MINDY2: variants seen among roughly 807,000 people sequenced by gnomAD.
MINDY2 encodes ubiquitin carboxyl-terminal hydrolase MINDY-2.
In MINDY2, 52 loss-of-function variants were observed where a neutral mutation model predicts 68.2. The ratio of observed to expected loss-of-function variants is 0.76; its 90% CI spans 0.61 to 0.96. The LOEUF (loss-of-function observed/expected upper bound fraction) is 0.96. MINDY2 is among the 40% of genes least tolerant of loss of function. The pLI, the probability that MINDY2 is intolerant of heterozygous loss-of-function variation, is 0.00. For missense variants in MINDY2, 881 were observed against 773.4 expected (o/e 1.14, Z -1.65); for synonymous variants, 372 against 303.0 (o/e 1.23, Z -2.36).
Position 58,859,516 on chromosome 15 carries a change from T to G in MINDY2, c.*4906T>G, listed in dbSNP as rs1318261955. On this transcript the variant is annotated 3_prime_UTR_variant, in exon 9 of 9. Coordinates refer to ENST00000559228, the MANE Select transcript of MINDY2 (RefSeq NM_001040450.3). ...TTAGCGTTCTTAAGTTCTCTGATAA[T>G]TTAGTATATTTTATTAATGATGTCC... 6.6e-6 allele frequency: 1 copy of G among 152,172 alleles called. No homozygotes were observed. The highest frequency in any genetic ancestry group is 1.5e-5 in the Non-Finnish European group (1 of 68,026). The allele number at this position is 152,172 out of a possible 1,614,324, so 9.4% of individuals were successfully genotyped here. A position where few individuals can be genotyped will look rare whatever the true frequency, so the allele number is the denominator to read the frequency against.
At chr15:58,834,096 AC>A (rs2031877921) in intron 6 of MINDY2, among the ~76,000 whole-genome samples, 1 of 152,130 alleles carries the variant, frequency 6.6e-6, no homozygotes, top group African/African-American at 2.4e-5. Context: ...AACAAAGCAC[AC>A]CCTGCACAGC....
Position 58,771,366 on chromosome 15 carries a change from C to T in MINDY2, c.-30C>T. On this transcript the variant is annotated 5_prime_UTR_variant, in exon 1 of 9. Transcript: ENST00000559228. ...CTGGCTGCGGAGAAGTGGCCGCGGTCTCCATAGAGCTGGGGGCGGGCGGCC... is the reference window on the plus strand; with the variant it reads ...CTGGCTGCGGAGAAGTGGCCGCGGTTTCCATAGAGCTGGGGGCGGGCGGCC... 6.3e-7 allele frequency: 1 copy of T among 1,583,922 alleles called. No individual in the cohort carries two copies. Among genetic ancestry groups the T allele is most frequent in the Non-Finnish European group, 8.6e-7 (1 of 1,167,424 alleles).
chr15:58,787,696 C>A (rs1479349355), intron 1 of MINDY2, among the ~76,000 whole-genome samples: 4 of 147,800 alleles, frequency 2.7e-5, no homozygotes, highest in African/African-American at 1.0e-4. Flanking sequence ...GAGATTGCGC[C>A]ACTGCAGTCC....
At chr15:58,832,401 G>C (rs2031775031) in intron 6 of MINDY2, among the ~76,000 whole-genome samples, 1 of 151,052 alleles carries the variant, frequency 6.6e-6, no homozygotes, top group Non-Finnish European at 1.5e-5. Flanking sequence ...TAATTTTTGT[G>C]TATTTTTAGG....
intron 7 of MINDY2, among the ~76,000 whole-genome samples, chr15:58,849,100 C>T (rs1465954408): frequency 6.6e-6 from 1 of 152,002 alleles, no homozygotes. Flanking sequence ...ACCCCAACTA[C>T]TCGGGAGGCT....
chr15:58,782,911 G>GTTTTTTTTTTTTTTTTTTTTTTT lies in MINDY2; in HGVS notation c.841-4991_841-4969dup, dbSNP rs1157376592. ...TCAATATATTTAATTTTTTCTCTCT[G>GTTTTTTTTTTTTTTTTTTTTTTT]TTTTTTTTTTTTTTTTTTTTTTTTT... is the stretch of plus-strand genomic sequence containing the variant. On this transcript the variant is annotated intron_variant, in intron 1 of 8. Coordinates refer to ENST00000559228, the MANE Select transcript of MINDY2 (RefSeq NM_001040450.3). 1.4e-4 allele frequency among the ~76,000 whole-genome samples: 9 copies of GTTTTTTTTTTTTTTTTTTTTTTT among 64,494 alleles called. 1 individual carries two copies. The highest frequency in any genetic ancestry group is 8.7e-4 in the Admixed American group (3 of 3,444). 42.3% of individuals were successfully genotyped at this position (64,494 alleles called of 152,430 possible).
intron 4 of MINDY2, among the ~76,000 whole-genome samples, chr15:58,816,498 A>G (rs564850219): frequency 6.6e-6 from 1 of 152,086 alleles, no homozygotes; most frequent in South Asian, 2.1e-4. Flanking sequence ...GCAGCCTCAG[A>G]TGGCTCAAGG....
intron 3 of MINDY2, among the ~76,000 whole-genome samples, chr15:58,803,807 C>T (rs1902833023): frequency 6.6e-6 from 1 of 150,806 alleles, no homozygotes; most frequent in African/African-American, 2.4e-5. Context: ...CAGAGGGAGA[C>T]TCTGCCTCAA....
At chr15:58,844,893 C>T (rs372260906) in intron 6 of MINDY2, among the ~76,000 whole-genome samples, 67 of 121,810 alleles carry the variant, frequency 5.5e-4, no homozygotes, top group East Asian at 2.1e-3. Flanking sequence ...CCAGCCTGGG[C>T]GACAGAGTGA....
chr15:58,838,166 G>A (rs1386798303), intron 6 of MINDY2, among the ~76,000 whole-genome samples: 3 of 151,892 alleles, frequency 2.0e-5, no homozygotes, highest in African/African-American at 7.3e-5. Context: ...AGGAGGCCAA[G>A]GCAGGTGGAT....
intron 1 of MINDY2, among the ~76,000 whole-genome samples, chr15:58,778,355 T>G (rs1900906470): frequency 6.6e-6 from 1 of 152,136 alleles, no homozygotes; most frequent in Non-Finnish European, 1.5e-5. Flanking sequence ...ATTTTTTTCT[T>G]TGCTTAGTAT....
chr15:58,802,102 G>C (rs1256039982), intron 2 of MINDY2, among the ~76,000 whole-genome samples: 1 of 52,058 alleles, frequency 1.9e-5, no homozygotes, highest in Non-Finnish European at 4.1e-5. Context: ...GAAGTAAAAA[G>C]TTCAAAGCAC....
In MINDY2 at chr15:58,855,044, G is replaced by A. The variant is rs2033014042; in HGVS notation, c.*434G>A. The stretch of plus-strand genomic sequence containing the variant: ...CTGAAATTTTACAATGTTAAATTAT[G>A]ATCTAATTCATGAGAAACCACGGGT... On this transcript the variant is annotated 3_prime_UTR_variant, in exon 9 of 9. Transcript: ENST00000559228. The A allele has an allele frequency of 6.5e-6, 1 of 153,644 alleles. No homozygotes were observed. The highest frequency in any genetic ancestry group is 2.0e-4 in the South Asian group (1 of 4,912). The allele number at this position is 153,644 out of a possible 1,614,324, so 9.5% of individuals were successfully genotyped here. A position where few individuals can be genotyped will look rare whatever the true frequency, so the allele number is the denominator to read the frequency against.
intron 3 of MINDY2, among the ~76,000 whole-genome samples, chr15:58,803,230 G>T (rs1237105879): frequency 6.6e-6 from 1 of 152,100 alleles, no homozygotes; most frequent in East Asian, 1.9e-4. Context: ...ACTTTGGGAG[G>T]CCGAGGTGGG....
Position 58,857,521 on chromosome 15 carries a change from G to A in MINDY2, c.*2911G>A, listed in dbSNP as rs2033098983. ...TGCATGCAAGCCTGGGCAATAGAGC[G>A]AGACTCCGTCTCAAAAAAAAAAAAA... is the stretch of plus-strand genomic sequence containing the variant. On this transcript the variant is annotated 3_prime_UTR_variant, in exon 9 of 9. Coordinates refer to ENST00000559228, the MANE Select transcript of MINDY2 (RefSeq NM_001040450.3). 9.0e-6 allele frequency: 1 copy of A among 110,998 alleles called. No homozygotes were observed. Among genetic ancestry groups the A allele is most frequent in the African/African-American group, 3.5e-5 (1 of 28,744 alleles). 6.9% of individuals were successfully genotyped at this position (110,998 alleles called of 1,614,324 possible).
chr15:58,846,595 C>CAAAAAA (rs11335033), intron 6 of MINDY2, among the ~76,000 whole-genome samples: 2 of 98,278 alleles, frequency 2.0e-5, no homozygotes, highest in Non-Finnish European at 4.1e-5. Context: ...TGAGACTCCT[C>CAAAAAA]AAAAAAAAAA....
chr15:58,785,826 G>A lies in MINDY2; in HGVS notation c.841-2080G>A, dbSNP rs536506081. Among the ~76,000 whole-genome samples, 21 of 152,104 alleles carry A rather than the reference G, an allele frequency of 1.4e-4. No individual in the cohort carries two copies. In the South Asian group the frequency reaches 2.3e-3, roughly 17 times the overall value. ...CAAGTAGCTGGGACTACAGGTGTGC[G>A]CCACCACACCTGGCTAATTTTTGTG... On this transcript the variant is annotated intron_variant, in intron 1 of 8. Transcript: ENST00000559228.
intron 8 of MINDY2, among the ~76,000 whole-genome samples, chr15:58,853,637 G>T (rs2032938217): frequency 6.6e-6 from 1 of 150,724 alleles, no homozygotes; most frequent in Non-Finnish European, 1.5e-5. Context: ...TGGCCAATAT[G>T]ATGAAACCCT....
At chr15:58,835,951 C>T (rs150226179) in intron 6 of MINDY2, among the ~76,000 whole-genome samples, 6 of 152,182 alleles carry the variant, frequency 3.9e-5, no homozygotes, top group Non-Finnish European at 7.4e-5. Context: ...TTGCTGTCAC[C>T]CAGGCTGGAG....
Sources: gnomAD v4.1 joint callset for allele counts (sites outside exome capture counted in the v4.1 genomes callset) on GRCh38, gnomAD v4.1.1 for gene constraint, MANE v1.5 for transcripts, NCBI Gene and HGNC (gene_info 2026-07-23, HGNC 2026-07-21) for gene names.